The following ESRP1 variants were observed in gnomAD, a reference collection of about 807,000 sequenced individuals.
ESRP1 encodes the protein RNA-binding motif protein 35A.
In ESRP1, 33 loss-of-function variants were observed where a neutral mutation model predicts 81.7. The ratio of observed to expected loss-of-function variants is 0.40; its 90% CI spans 0.31 to 0.54. The LOEUF (loss-of-function observed/expected upper bound fraction) is 0.54. Ranked by LOEUF, ESRP1 falls within the 20% of genes least tolerant of loss-of-function variation. The pLI is 0.41. For synonymous variants in ESRP1, 320 were observed against 303.3 expected, an observed-to-expected ratio of 1.06 and a Z score of -0.57; for missense variants, 672 against 833.1, an observed-to-expected ratio of 0.81 and a Z score of 2.38.
At chr8:94,682,576 A>T (rs760318567) in intron 13 of ESRP1, among the ~76,000 whole-genome samples, 1 of 150,624 alleles carries the variant, frequency 6.6e-6, no homozygotes, top group Non-Finnish European at 1.5e-5. Context: ...TTTGTTGCCC[A>T]CGCTGGTCTC....
chr8:94,651,171 T>C (rs959708604), intron 4 of ESRP1, among the ~76,000 whole-genome samples: 5 of 151,660 alleles, frequency 3.3e-5, no homozygotes, highest in African/African-American at 1.2e-4. Flanking sequence ...AAAAACAGTA[T>C]GTGGAACTTG....
intron 15 of ESRP1, among the ~76,000 whole-genome samples, chr8:94,702,747 T>C (rs935412367): frequency 6.6e-6 from 1 of 152,124 alleles, no homozygotes; most frequent in Non-Finnish European, 1.5e-5. Flanking sequence ...CCTCCCAAAG[T>C]GCTGGGATTA....
chr8:94,658,302 G>A (rs866195971), intron 4 of ESRP1, among the ~76,000 whole-genome samples: 6 of 152,258 alleles, frequency 3.9e-5, no homozygotes, highest in South Asian at 4.2e-4. Flanking sequence ...GGGAGTGGTT[G>A]GCACAAAATG....
chr8:94,686,911 C>T (rs1457420387), intron 13 of ESRP1, among the ~76,000 whole-genome samples: 1 of 152,128 alleles, frequency 6.6e-6, no homozygotes, highest in Non-Finnish European at 1.5e-5. Flanking sequence ...TTTCTCTAAA[C>T]TACTGCCATA....
chr8:94,705,760 A>T, intron 15 of ESRP1, 165 bp from the exon 16 acceptor site: 1 of 634,732 alleles, frequency 1.6e-6, no homozygotes, highest in East Asian at 2.8e-5. Context: ...AGCCCTTGCC[A>T]TGTAAATGCC....
At chr8:94,656,061 T>C (rs1023043192) in intron 4 of ESRP1, 11 of 147,532 alleles carry the variant, frequency 7.5e-5, no homozygotes, top group African/African-American at 2.8e-4. Flanking sequence ...CCTCCGGGAG[T>C]GGAGTGGAGG....
At chr8:94,683,430 A>G (rs1246333982) in intron 13 of ESRP1, among the ~76,000 whole-genome samples, 2 of 152,108 alleles carry the variant, frequency 1.3e-5, no homozygotes, top group Admixed American at 1.3e-4. Flanking sequence ...TTTACTTGAA[A>G]TTTGTATTGA....
At chr8:94,682,836 C>A (rs1233003988) in intron 13 of ESRP1, among the ~76,000 whole-genome samples, 2 of 133,724 alleles carry the variant, frequency 1.5e-5, no homozygotes, top group African/African-American at 2.9e-5. Context: ...TTTGTTATAA[C>A]CTAATGAATG....
intron 10 of ESRP1, among the ~76,000 whole-genome samples, chr8:94,670,526 G>C (rs17717161): frequency 0.31 from 46,784 of 152,042 alleles, 8,661 homozygotes; most frequent in East Asian, 0.55. Flanking sequence ...AGGGTTCATT[G>C]ATTCTTCTAT....
At chr8:94,703,714 G>T (rs146906428) in intron 15 of ESRP1, among the ~76,000 whole-genome samples, 1 of 152,234 alleles carries the variant, frequency 6.6e-6, no homozygotes, top group Non-Finnish European at 1.5e-5. Flanking sequence ...CTCACTCTCT[G>T]AGATACCCCT....
chr8:94,678,500 C>CAGAG, intron 13 of ESRP1, 129 bp downstream of exon 13: 2 of 1,069,488 alleles, frequency 1.9e-6, no homozygotes, highest in Non-Finnish European at 2.6e-6. Flanking sequence ...AGCCTCTGGT[C>CAGAG]ATATCTCTGA....
intron 13 of ESRP1, among the ~76,000 whole-genome samples, chr8:94,681,196 G>A (rs1354516511): frequency 6.6e-6 from 1 of 151,626 alleles, no homozygotes; most frequent in African/African-American, 2.4e-5. Flanking sequence ...CGTGGTGATG[G>A]GTGCCTATAG....
At chr8:94,667,211 G>A (rs1441360718) in intron 9 of ESRP1, among the ~76,000 whole-genome samples, 2 of 135,444 alleles carry the variant, frequency 1.5e-5, no homozygotes, top group African/African-American at 6.0e-5. Context: ...GAGTGAAACT[G>A]TGTCTCAAAA....
chr8:94,681,065 C>T (rs1050337799), intron 13 of ESRP1, among the ~76,000 whole-genome samples: 3 of 151,940 alleles, frequency 2.0e-5, no homozygotes, highest in African/African-American at 7.3e-5. Flanking sequence ...GTGGCTCACG[C>T]CTGTAATCCC....
At chr8:94,642,135 G>A in intron 2 of ESRP1, 51 bp downstream of exon 2, 3 of 1,586,194 alleles carry the variant, frequency 1.9e-6, no homozygotes, top group Non-Finnish European at 2.6e-6. Flanking sequence ...CAACCCCACC[G>A]CACCCTACGC....
At chr8:94,703,722 C>T (rs1189595646) in intron 15 of ESRP1, among the ~76,000 whole-genome samples, 3 of 152,114 alleles carry the variant, frequency 2.0e-5, no homozygotes, top group African/African-American at 7.2e-5. Flanking sequence ...CTGAGATACC[C>T]CTAGCAACAC....
intron 10 of ESRP1, among the ~76,000 whole-genome samples, chr8:94,669,711 C>T (rs1251190913): frequency 2.7e-5 from 4 of 150,734 alleles, no homozygotes; most frequent in Non-Finnish European, 4.4e-5. Context: ...GCTGAAAATA[C>T]AAAAAAAAAT....
intron 14 of ESRP1, among the ~76,000 whole-genome samples, chr8:94,695,144 T>A (rs2130723144): frequency 6.6e-6 from 1 of 152,258 alleles, no homozygotes; most frequent in Non-Finnish European, 1.5e-5. Flanking sequence ...ACCAAGATGA[T>A]AAAATCAGTG....
intron 4 of ESRP1, 98 bp downstream of exon 4, chr8:94,646,380 G>A: frequency 1.3e-6 from 1 of 772,954 alleles, no homozygotes; most frequent in East Asian, 2.7e-5. Flanking sequence ...GTCAGCATAT[G>A]GATAAAATTG....
Sources: allele counts gnomAD v4.1 joint callset (sites outside exome capture counted in the v4.1 genomes callset), GRCh38; gene constraint gnomAD v4.1.1; transcripts MANE v1.5; gene names NCBI Gene and HGNC (gene_info 2026-07-23, HGNC 2026-07-21).